Variants in SLIT3 observed in about 807,000 individuals in gnomAD.
The protein encoded by SLIT3 is slit homolog 3 protein.
A neutral mutation model predicts 184.0 loss-of-function variants in SLIT3; 68 were observed. The observed-to-expected ratio is 0.37, with a 90% confidence interval of 0.30 to 0.45. The LOEUF (loss-of-function observed/expected upper bound fraction) is 0.45, where lower values mean the gene tolerates loss of function less well. Ranked by LOEUF, SLIT3 falls within the 20% of genes least tolerant of loss-of-function variation. The probability of loss-of-function intolerance (pLI) is 1.00; values close to 1 mark genes in which losing one functional copy is unlikely to be tolerated. For missense variants in SLIT3, 1,707 were observed against 2,026.0 expected, an observed-to-expected ratio of 0.84 and a Z score of 3.02; for synonymous variants, 831 against 828.6, an observed-to-expected ratio of 1.00 and a Z score of -0.05.
chr5:169,067,467 G>A (rs1011648241), intron 4 of SLIT3, among the ~76,000 whole-genome samples: 1 of 152,128 alleles, frequency 6.6e-6, no homozygotes, highest in Admixed American at 6.6e-5. Context: ...AGGCAGTGTG[G>A]TTCCTGGGAC....
chr5:168,980,170 T>C (rs1754901480), intron 4 of SLIT3, among the ~76,000 whole-genome samples: 2 of 152,084 alleles, frequency 1.3e-5, no homozygotes, highest in African/African-American at 2.4e-5. Flanking sequence ...TTGTTCACAT[T>C]ATAAGAGAGC....
chr5:169,138,702 C>T (rs533042223), intron 4 of SLIT3, among the ~76,000 whole-genome samples: 5 of 152,328 alleles, frequency 3.3e-5, no homozygotes, highest in Admixed American at 2.0e-4. Flanking sequence ...GCGAGCCTTG[C>T]GTGTTCTCCC....
chr5:169,262,611 G>C (rs981159809), intron 1 of SLIT3, among the ~76,000 whole-genome samples: 4 of 152,164 alleles, frequency 2.6e-5, no homozygotes, highest in African/African-American at 9.7e-5. Flanking sequence ...ACCAATTTAA[G>C]AGCCCTCAGC....
intron 4 of SLIT3, among the ~76,000 whole-genome samples, chr5:169,188,300 T>C (rs1763428740): frequency 6.6e-6 from 1 of 152,214 alleles, no homozygotes; most frequent in African/African-American, 2.4e-5. Flanking sequence ...TGCCTTCTGC[T>C]CCTTCTAAAG....
chr5:168,671,759 AATGAG>A (rs1271263600), intron 33 of SLIT3, among the ~76,000 whole-genome samples: 1 of 152,162 alleles, frequency 6.6e-6, no homozygotes. Flanking sequence ...CCCTAGAAAA[AATGAG>A]ATGATCTGGT....
intron 8 of SLIT3, among the ~76,000 whole-genome samples, chr5:168,811,420 CAAT>C (rs1432815367): frequency 6.6e-6 from 1 of 152,140 alleles, no homozygotes; most frequent in Non-Finnish European, 1.5e-5. Flanking sequence ...TAGTGAACAA[CAAT>C]GTTTTAATGT....
chr5:168,982,613 G>A (rs75281231), intron 4 of SLIT3, among the ~76,000 whole-genome samples: 1 of 152,136 alleles, frequency 6.6e-6, no homozygotes, highest in Non-Finnish European at 1.5e-5. Context: ...TCTATAGGTT[G>A]CAGTCTTTTA....
chr5:168,862,373 G>T (rs1686353495), intron 5 of SLIT3, among the ~76,000 whole-genome samples: 1 of 152,106 alleles, frequency 6.6e-6, no homozygotes, highest in African/African-American at 2.4e-5. Context: ...AAAAAATAAG[G>T]TATGGGCAGC....
intron 4 of SLIT3, among the ~76,000 whole-genome samples, chr5:168,901,678 A>G (rs1760879794): frequency 6.6e-6 from 1 of 152,242 alleles, no homozygotes; most frequent in Non-Finnish European, 1.5e-5. Context: ...GGACTCGCCC[A>G]AAGTCATATA....
In SLIT3 at chr5:168,760,930, C is replaced by T. The variant is rs747366596; in HGVS notation, c.1617G>A (p.Leu539=). 50 of 1,613,572 alleles carry T rather than the reference C, an allele frequency of 3.1e-5. No individual in the cohort carries two copies. Among genetic ancestry groups the T allele is most frequent in the East Asian group, 2.5e-4 (11 of 44,896 alleles). Reference sequence around the variant, plus strand: ...CCAGAACAGATACCTCATTGTCATTCAGTCGCCTGTGTAGGAAGCAAGATG... The same window carrying T: ...CCAGAACAGATACCTCATTGTCATTTAGTCGCCTGTGTAGGAAGCAAGATG... ...HLPEYVTDLR[L]NDNEVSVLEA... is the part of the protein sequence containing the mutation. Residue 539 remains leucine (L), a synonymous_variant, in exon 16 of 36, where the codon CTG becomes CTA. Transcript: ENST00000519560.
At chr5:168,752,894 G>T in intron 18 of SLIT3, 61 bp downstream of exon 18, 3 of 1,526,470 alleles carry the variant, frequency 2.0e-6, no homozygotes, top group Non-Finnish European at 2.7e-6. Context: ...GGAGCTGGGA[G>T]GAGAGAGCGC....
chr5:168,864,866 T>C (rs764579054), intron 5 of SLIT3, among the ~76,000 whole-genome samples: 4 of 152,204 alleles, frequency 2.6e-5, no homozygotes, highest in South Asian at 4.1e-4. Flanking sequence ...TGTTTGGTCA[T>C]TGTAGCAATA....
chr5:168,714,518 G>A (rs896550021), intron 23 of SLIT3, among the ~76,000 whole-genome samples: 6 of 152,156 alleles, frequency 3.9e-5, no homozygotes, highest in Non-Finnish European at 8.8e-5. Context: ...AGGAGGCAGA[G>A]GTTACAGTGA....
intron 4 of SLIT3, among the ~76,000 whole-genome samples, chr5:168,905,998 C>G (rs963248476): frequency 6.6e-6 from 1 of 152,180 alleles, no homozygotes; most frequent in Non-Finnish European, 1.5e-5. Flanking sequence ...TCAGCTGGAG[C>G]TGTAGAAACA....
intron 14 of SLIT3, among the ~76,000 whole-genome samples, chr5:168,765,332 A>C (rs1755304721): frequency 6.6e-6 from 1 of 152,184 alleles, no homozygotes; most frequent in East Asian, 1.9e-4. Flanking sequence ...ATGATTTTGC[A>C]ATTAGATTCG....
intron 1 of SLIT3, among the ~76,000 whole-genome samples, chr5:169,279,626 A>G (rs1012645683): frequency 3.3e-5 from 5 of 152,246 alleles, no homozygotes; most frequent in Non-Finnish European, 5.9e-5. Flanking sequence ...ATAATTTAAT[A>G]AGCTATATAA....
At chr5:168,871,391 A>G (rs1294254200) in intron 5 of SLIT3, among the ~76,000 whole-genome samples, 1 of 152,172 alleles carries the variant, frequency 6.6e-6, no homozygotes, top group African/African-American at 2.4e-5. Flanking sequence ...TACCCTAGGC[A>G]GGCAGCGGTT....
At chr5:168,952,452 C>G (rs563988741) in intron 4 of SLIT3, among the ~76,000 whole-genome samples, 3 of 150,748 alleles carry the variant, frequency 2.0e-5, no homozygotes, top group South Asian at 2.1e-4. Context: ...GCATTCTGCA[C>G]CAGGCACCCG....
intron 4 of SLIT3, among the ~76,000 whole-genome samples, chr5:168,986,524 C>A (rs1192170557): frequency 6.6e-6 from 1 of 152,346 alleles, no homozygotes; most frequent in East Asian, 1.9e-4. Flanking sequence ...AGGCCCCCAT[C>A]TCCATTCTCA....
Sources: gnomAD v4.1 joint callset for allele counts (sites outside exome capture counted in the v4.1 genomes callset) on GRCh38, gnomAD v4.1.1 for gene constraint, MANE v1.5 for transcripts, NCBI Gene and HGNC (gene_info 2026-07-23, HGNC 2026-07-21) for gene names.